Variants in PRKG1 observed in about 807,000 individuals in gnomAD.
PRKG1 encodes the protein protein kinase cGMP-dependent 1.
In PRKG1, 35 loss-of-function variants were observed where a neutral mutation model predicts 88.1. The observed-to-expected ratio is 0.40, with a 90% confidence interval of 0.30 to 0.53. The LOEUF is 0.53. Among genes scored for constraint, PRKG1 ranks in the 20% least tolerant of loss-of-function variants. The pLI is 0.59. For synonymous variants in PRKG1, 303 were observed against 292.5 expected, an observed-to-expected ratio of 1.04 and a Z score of -0.37; for missense variants, 540 against 839.8, an observed-to-expected ratio of 0.64 and a Z score of 4.41.
Position 51,978,938 on chromosome 10 carries a change from G to C in PRKG1, c.762+71368G>C, listed in dbSNP as rs184669098. Among the ~76,000 whole-genome samples the C allele has an allele frequency of 2.0e-4, 30 of 152,070 alleles. No homozygotes were observed. The East Asian group carries it at 5.4e-3, about 27-fold the overall frequency. On this transcript the variant is annotated intron_variant, in intron 5 of 17. Coordinates refer to ENST00000373980, the MANE Select transcript of PRKG1 (RefSeq NM_006258.4). ...AGCTTGACTTCCTTTCTTTCTATTTGGATGTGCTTTATTTCTTTCTCTTGC... is the reference window on the plus strand; with the variant it reads ...AGCTTGACTTCCTTTCTTTCTATTTCGATGTGCTTTATTTCTTTCTCTTGC...
intron 9 of PRKG1, among the ~76,000 whole-genome samples, chr10:52,167,657 A>G (rs1838523648): frequency 1.3e-5 from 2 of 151,626 alleles, no homozygotes; most frequent in Admixed American, 1.3e-4. Flanking sequence ...AACAACAAAA[A>G]CACCTTTGAA....
chr10:52,082,023 T>A (rs1391160431), intron 7 of PRKG1, among the ~76,000 whole-genome samples: 1 of 152,148 alleles, frequency 6.6e-6, no homozygotes, highest in Admixed American at 6.6e-5. Context: ...CAGTTCTGCG[T>A]GGCTAGGGAA....
chr10:51,291,131 C>T (rs1840572379), intron 2 of PRKG1, among the ~76,000 whole-genome samples: 1 of 152,172 alleles, frequency 6.6e-6, no homozygotes, highest in African/African-American at 2.4e-5. Flanking sequence ...AATGACTCTT[C>T]TCTTCCAAAA....
At chr10:51,813,212 A>C (rs1021747757) in intron 4 of PRKG1, among the ~76,000 whole-genome samples, 1 of 152,186 alleles carries the variant, frequency 6.6e-6, no homozygotes, top group Non-Finnish European at 1.5e-5. Flanking sequence ...AGCCATTAGC[A>C]AAAAAGCATA....
In PRKG1 at chr10:51,567,945, T is replaced by A. The variant is rs190070832; in HGVS notation, c.592+100109T>A. Among the ~76,000 whole-genome samples the A allele has an allele frequency of 3.8e-3, 574 of 152,172 alleles. 11 individuals carry two copies. Among genetic ancestry groups the A allele is most frequent in the Admixed American group, 0.034 (522 of 15,246 alleles). On this transcript the variant is annotated intron_variant, in intron 3 of 17. Coordinates refer to ENST00000373980, the MANE Select transcript of PRKG1 (RefSeq NM_006258.4). Reference sequence around the variant, plus strand: ...GGCAAATATTGGACCCTAAGTTTGATGGAGAAAGGTATTCTGGGCTGCTTT... The same window carrying A: ...GGCAAATATTGGACCCTAAGTTTGAAGGAGAAAGGTATTCTGGGCTGCTTT...
At chr10:51,368,185 G>T (rs1163612565) in intron 2 of PRKG1, among the ~76,000 whole-genome samples, 1 of 151,852 alleles carries the variant, frequency 6.6e-6, no homozygotes, top group Non-Finnish European at 1.5e-5. Flanking sequence ...ATTACCCAAG[G>T]TATTTCCTTA....
rs192709895 is a variant in PRKG1 at position 51,457,426 on chromosome 10, G to A, written c.479-10297G>A. 1.6e-4 allele frequency among the ~76,000 whole-genome samples: 25 copies of A among 152,238 alleles called. No homozygotes were observed. In the East Asian group the frequency reaches 3.5e-3, roughly 21 times the overall value. On this transcript the variant is annotated intron_variant, in intron 2 of 17. Coordinates refer to ENST00000373980, the MANE Select transcript of PRKG1 (RefSeq NM_006258.4). Reference sequence around the variant, plus strand: ...TATAATAGACTTTGGGGACTCAGTGGGGAGGGGGAAAGGCGGGAAGGAATA... The same window carrying A: ...TATAATAGACTTTGGGGACTCAGTGAGGAGGGGGAAAGGCGGGAAGGAATA...
At chr10:52,226,018 G>A (rs1378236822) in intron 9 of PRKG1, among the ~76,000 whole-genome samples, 1 of 139,566 alleles carries the variant, frequency 7.2e-6, no homozygotes, top group African/African-American at 2.8e-5. Flanking sequence ...TGTAAGTCAT[G>A]AGGGTTGATT....
At chr10:51,089,879 C>A (rs1406133374) in intron 1 of PRKG1, among the ~76,000 whole-genome samples, 2 of 152,212 alleles carry the variant, frequency 1.3e-5, no homozygotes, top group Non-Finnish European at 2.9e-5. Flanking sequence ...GGTCATCACA[C>A]TTAGCTCAAC....
At chr10:51,804,820 A>AC in intron 4 of PRKG1, 130 bp downstream of exon 4, 1 of 631,068 alleles carries the variant, frequency 1.6e-6, no homozygotes, top group Non-Finnish European at 2.8e-6. Flanking sequence ...AAATGTGTAG[A>AC]GATGTAAGAC....
In PRKG1 at chr10:51,034,668, T is replaced by TATA. The variant is rs1554831109; in HGVS notation, c.266+43024_266+43025insATA. Among the ~76,000 whole-genome samples the TATA allele has an allele frequency of 9.1e-4, 62 of 68,182 alleles. 3 individuals carry two copies. Among genetic ancestry groups the TATA allele is most frequent in the East Asian group, 4.1e-3 (8 of 1,970 alleles). The allele number at this position is 68,182 out of a possible 152,430, so 44.7% of individuals were successfully genotyped here. On this transcript the variant is annotated intron_variant, in intron 1 of 17. Transcript: ENST00000401604. Reference sequence around the variant, plus strand: ...AGCAAAATTATATATAATATGTTATTTATATATATATATATATATATATAT... The same window carrying TATA: ...AGCAAAATTATATATAATATGTTATTATATATATATATATATATATATATATAT...
chr10:51,634,484 T>G lies in PRKG1; in HGVS notation c.592+166648T>G, dbSNP rs184103023. On this transcript the variant is annotated intron_variant, in intron 3 of 17. Transcript: ENST00000373980. ...GGAAGATACATCATCTGATCTGAGA[T>G]TATCTGATCTGCATGTTCTTATTCC... 1.3e-3 allele frequency among the ~76,000 whole-genome samples: 199 copies of G among 152,268 alleles called. 2 individuals carry two copies. In the Middle Eastern group the frequency reaches 0.034, roughly 26 times the overall value.
intron 1 of PRKG1, among the ~76,000 whole-genome samples, chr10:51,006,278 G>A (rs2339686): frequency 0.3 from 45,790 of 152,070 alleles, 7,237 homozygotes; most frequent in African/African-American, 0.4. Flanking sequence ...CTTTGTGTCC[G>A]TACTAACCTG....
intron 2 of PRKG1, among the ~76,000 whole-genome samples, chr10:51,192,033 C>T (rs1837643821): frequency 6.6e-6 from 1 of 151,614 alleles, no homozygotes; most frequent in Non-Finnish European, 1.5e-5. Context: ...ATTTCTCCAC[C>T]TGACTGATGA....
At chr10:52,021,855 T>C (rs2133192609) in intron 5 of PRKG1, among the ~76,000 whole-genome samples, 1 of 152,350 alleles carries the variant, frequency 6.6e-6, no homozygotes, top group Middle Eastern at 3.4e-3. Context: ...TGTGACAGGA[T>C]AAGAGTCAAG....
At chr10:51,969,603 T>A (rs552926930) in intron 5 of PRKG1, among the ~76,000 whole-genome samples, 1 of 152,108 alleles carries the variant, frequency 6.6e-6, no homozygotes, top group South Asian at 2.1e-4. Flanking sequence ...GCAAAAAGTC[T>A]CAAAGTGTTA....
At chr10:51,991,336 TA>T (rs759425510) in intron 5 of PRKG1, among the ~76,000 whole-genome samples, 1 of 152,164 alleles carries the variant, frequency 6.6e-6, no homozygotes, top group Non-Finnish European at 1.5e-5. Flanking sequence ...TTGTCTTGCC[TA>T]ATTGCTATAA....
chr10:51,509,801 C>T (rs1052325983), intron 3 of PRKG1, among the ~76,000 whole-genome samples: 1 of 152,160 alleles, frequency 6.6e-6, no homozygotes, highest in Admixed American at 6.5e-5. Flanking sequence ...AACAGGTGCA[C>T]ATGACTGAAC....
At chr10:51,795,759 CTTT>C (rs1838993897) in intron 3 of PRKG1, among the ~76,000 whole-genome samples, 1 of 152,028 alleles carries the variant, frequency 6.6e-6, no homozygotes, top group African/African-American at 2.4e-5. Context: ...AGCTGATATT[CTTT>C]AATGGTAAAC....
Sources: gnomAD v4.1 joint callset for allele counts (sites outside exome capture counted in the v4.1 genomes callset) on GRCh38, gnomAD v4.1.1 for gene constraint, MANE v1.5 for transcripts, NCBI Gene and HGNC (gene_info 2026-07-23, HGNC 2026-07-21) for gene names.